MCUR1: variants seen among roughly 807,000 people sequenced by gnomAD.
MCUR1 encodes mitochondrial calcium uniporter regulator 1, also known as MCU regulator 1.
A neutral mutation model predicts 42.0 loss-of-function variants in MCUR1; 37 were observed. That is an observed-to-expected ratio of 0.88 (90% CI 0.68 to 1.16). MCUR1 has a LOEUF of 1.16. Ranked by LOEUF, MCUR1 falls within the 50% of genes most tolerant of loss-of-function variation. The pLI is 0.00. For missense variants in MCUR1, 469 were observed against 468.4 expected (o/e 1.00, Z -0.01); for synonymous variants, 229 against 196.2 (o/e 1.17, Z -1.40).
At chr6:13,801,050 A>C (rs1030923512) in intron 4 of MCUR1, among the ~76,000 whole-genome samples, 4 of 152,214 alleles carry the variant, frequency 2.6e-5, no homozygotes, top group Non-Finnish European at 5.9e-5. Flanking sequence ...AGAATAGGCG[A>C]AACTAGTTAA....
At position 13,800,363 on chromosome 6, in the gene MCUR1, T is replaced by C. The variant is rs371909227; in HGVS notation, c.761A>G (p.His254Arg). Residue 254 changes from histidine to arginine, a missense_variant, in exon 5 of 9, where the codon CAT (histidine) becomes CGT (arginine). Coordinates refer to ENST00000379170, the MANE Select transcript of MCUR1 (RefSeq NM_001031713.4). ...TACCATTACTTGTTGTTTTAACTGATGTAGTTCGAGTTTTATTTTCTAAAA... is the reference window on the plus strand; with the variant it reads ...TACCATTACTTGTTGTTTTAACTGACGTAGTTCGAGTTTTATTTTCTAAAA... ...AENEKIKLELHQLKQQVMDEV... is the reference protein window; with the variant it reads ...AENEKIKLELRQLKQQVMDEV... The C allele has an allele frequency of 1.5e-5, 24 of 1,575,156 alleles. No individual in the cohort carries two copies. The African/African-American group carries it at 2.0e-4, about 13-fold the overall frequency.
rs1304071394 is a variant in MCUR1, at chr6:13,801,469, T to A, written c.640-80A>T. The A allele has an allele frequency of 6.3e-6, 6 of 950,574 alleles. No homozygotes were observed. The African/African-American group carries it at 9.6e-5, about 15-fold the overall frequency. The allele number at this position is 950,574 out of a possible 1,614,324, so 58.9% of individuals were successfully genotyped here. ...CTATCATCTCAATGTGCTATCTTCT[T>A]ATTGAGAAACCAGGACAATGTGGAC... is the stretch of plus-strand genomic sequence containing the variant. On this transcript the variant is annotated intron_variant, in intron 3 of 8. Transcript: ENST00000379170.
In MCUR1 at chr6:13,790,690, T is replaced by G; in HGVS notation, c.*119A>C. The G allele has an allele frequency of 1.6e-6, 1 of 641,940 alleles. No individual in the cohort carries two copies. Among genetic ancestry groups the G allele is most frequent in the South Asian group, 1.8e-5 (1 of 56,814 alleles). The allele number at this position is 641,940 out of a possible 1,614,324, so 39.8% of individuals were successfully genotyped here. ...CTGGTCTCGAACTCCTGACCTCAGG[T>G]AATCCACCTGCCTCAGCCTCCCAAA... is the stretch of plus-strand genomic sequence containing the variant. On this transcript the variant is annotated 3_prime_UTR_variant, in exon 9 of 9. Transcript: ENST00000379170.
intron 1 of MCUR1, among the ~76,000 whole-genome samples, chr6:13,813,515 A>G (rs754096058): frequency 1.3e-5 from 2 of 152,210 alleles, no homozygotes; most frequent in Non-Finnish European, 2.9e-5. Flanking sequence ...TTGTGGACTG[A>G]TATATCTCAC....
Position 13,799,280 on chromosome 6 carries a change from G to A in MCUR1, c.784-376C>T, listed in dbSNP as rs146773406. Among the ~76,000 whole-genome samples, 547 of 151,666 alleles carry A rather than the reference G, an allele frequency of 3.6e-3. 1 individual carries two copies. The highest frequency in any genetic ancestry group is 0.012 in the African/African-American group (507 of 41,286). ...TGCTCACGCAACTTCTGCCTCCTGCGTTCAAGCAATTCTCCTGTACCAGCC... is the reference window on the plus strand; with the variant it reads ...TGCTCACGCAACTTCTGCCTCCTGCATTCAAGCAATTCTCCTGTACCAGCC... On this transcript the variant is annotated intron_variant, in intron 5 of 8. Coordinates refer to ENST00000379170, the MANE Select transcript of MCUR1 (RefSeq NM_001031713.4).
rs548707028 is a variant in MCUR1 at position 13,801,160 on chromosome 6, G to A, written c.741+128C>T. Reference sequence around the variant, plus strand: ...GTGGGCAAGTTTTCCTGCTCGATCTGACTGGAAGTGCACACTGTTTGAAAA... The same window carrying A: ...GTGGGCAAGTTTTCCTGCTCGATCTAACTGGAAGTGCACACTGTTTGAAAA... On this transcript the variant is annotated intron_variant, in intron 4 of 8. Transcript: ENST00000379170. 7.3e-6 allele frequency: 5 copies of A among 684,774 alleles called. No individual in the cohort carries two copies. The South Asian group carries it at 9.3e-5, about 13-fold the overall frequency. The allele number at this position is 684,774 out of a possible 1,614,324, so 42.4% of individuals were successfully genotyped here. A position where few individuals can be genotyped will look rare whatever the true frequency, so the allele number is the denominator to read the frequency against.
chr6:13,794,585 T>C (rs1457191491), intron 6 of MCUR1, among the ~76,000 whole-genome samples: 1 of 151,452 alleles, frequency 6.6e-6, no homozygotes, highest in Non-Finnish European at 1.5e-5. Context: ...CATTGTGTTG[T>C]GATTATAAAA....
intron 8 of MCUR1, among the ~76,000 whole-genome samples, chr6:13,791,281 A>T (rs181901500): frequency 6.6e-6 from 1 of 152,354 alleles, no homozygotes; most frequent in African/African-American, 2.4e-5. Flanking sequence ...TCGAATAGCA[A>T]AAATTCTGTG....
intron 2 of MCUR1, among the ~76,000 whole-genome samples, chr6:13,803,082 A>G (rs1760026998): frequency 6.6e-6 from 1 of 151,590 alleles, no homozygotes. Context: ...TTTTTTTGAG[A>G]CAGAGTTTCG....
chr6:13,791,955 C>T lies in MCUR1; in HGVS notation c.947G>A (p.Arg316Lys). 6.2e-7 allele frequency: 1 copy of T among 1,614,028 alleles called. No individual in the cohort carries two copies. Among genetic ancestry groups the T allele is most frequent in the Non-Finnish European group, 8.5e-7 (1 of 1,179,994 alleles). Residue 316 changes from arginine to lysine, a missense_variant, in exon 8 of 9, where the codon AGG (arginine) becomes AAG (lysine). Coordinates refer to ENST00000379170, the MANE Select transcript of MCUR1 (RefSeq NM_001031713.4). ...GCCAGCAACCTCAGTTTCGATCTTC[C>T]TGTCTGTCTGGGTAAGGGCCCGATC... ...QQDRALTQTD[R>K]KIETEVAGLK... is the part of the protein sequence containing the mutation.
rs1241264111 is a variant in MCUR1 at position 13,787,250 on chromosome 6, G to A, written c.*3559C>T. ...GACAAAGGCAATCCCGACACACAGA[G>A]GCATGTTTGTTGCGGCTCAGGGTTT... is the stretch of plus-strand genomic sequence containing the variant. On this transcript the variant is annotated 3_prime_UTR_variant, in exon 9 of 9. Transcript: ENST00000379170. 6 of 152,160 alleles carry A rather than the reference G, an allele frequency of 3.9e-5. No individual in the cohort carries two copies. Among genetic ancestry groups the A allele is most frequent in the African/African-American group, 1.4e-4 (6 of 41,426 alleles). The allele number at this position is 152,160 out of a possible 1,614,324, so 9.4% of individuals were successfully genotyped here.
intron 2 of MCUR1, chr6:13,803,911 T>C (rs1760048839): frequency 1.0e-6 from 1 of 975,554 alleles, no homozygotes; most frequent in Non-Finnish European, 1.2e-6. Context: ...GGCGGGAGGA[T>C]CTTTGAGCCC....
At chr6:13,803,067 T>TG (rs368968159) in intron 2 of MCUR1, among the ~76,000 whole-genome samples, 139 of 145,962 alleles carry the variant, frequency 9.5e-4, no homozygotes, top group Middle Eastern at 3.5e-3. Flanking sequence ...TACTTGGTAT[T>TG]TTTTTTTTTT....
intron 6 of MCUR1, among the ~76,000 whole-genome samples, chr6:13,797,282 C>A (rs1275076556): frequency 1.3e-5 from 2 of 152,158 alleles, no homozygotes; most frequent in Non-Finnish European, 2.9e-5. Flanking sequence ...TCTCTCTGCC[C>A]TATTTCTCAT....
chr6:13,804,205 C>A, intron 2 of MCUR1: 2 of 204,290 alleles, frequency 9.8e-6, no homozygotes, highest in Non-Finnish European at 2.1e-5. Context: ...TGCCTGTAAT[C>A]CCAGCTACTC....
intron 5 of MCUR1, among the ~76,000 whole-genome samples, chr6:13,799,474 C>T (rs973917163): frequency 3.3e-5 from 5 of 152,194 alleles, no homozygotes; most frequent in South Asian, 2.1e-4. Context: ...TGAGCCATCG[C>T]GCCCGGCCTG....
intron 5 of MCUR1, among the ~76,000 whole-genome samples, chr6:13,799,523 G>A (rs56876256): frequency 0.024 from 3,704 of 152,206 alleles, 203 homozygotes; most frequent in East Asian, 0.23. Flanking sequence ...TACAATCTCC[G>A]AATGGAACTT....
rs559252824 is a variant in MCUR1, at chr6:13,790,972, C to T, written c.1025-108G>A. 7.1e-5 allele frequency: 53 copies of T among 750,526 alleles called. No homozygotes were observed. In the South Asian group the frequency reaches 8.7e-4, roughly 12 times the overall value. The allele number at this position is 750,526 out of a possible 1,614,324, so 46.5% of individuals were successfully genotyped here. On this transcript the variant is annotated intron_variant, in intron 8 of 8. Coordinates refer to ENST00000379170, the MANE Select transcript of MCUR1 (RefSeq NM_001031713.4). ...AAAGAAAACCTAGAAACTTAGATTG[C>T]TCACTGATGTCCCATATTCCGTGAA...
At chr6:13,791,760 G>C (rs1412931363) in intron 8 of MCUR1, 118 bp downstream of exon 8, 5 of 656,542 alleles carry the variant, frequency 7.6e-6, no homozygotes, top group Non-Finnish European at 1.2e-5. Context: ...TCCAATTTCA[G>C]AGATGTTAAA....
Sources: allele counts gnomAD v4.1 joint callset (sites outside exome capture counted in the v4.1 genomes callset), GRCh38; gene constraint gnomAD v4.1.1; transcripts MANE v1.5; gene names NCBI Gene and HGNC (gene_info 2026-07-23, HGNC 2026-07-21).